SLC15A1: variants seen among roughly 807,000 people sequenced by gnomAD.
SLC15A1 encodes the protein Caco-2 oligopeptide transporter.
SLC15A1 carries 83 observed loss-of-function variants against 92.9 expected under a neutral mutation model. That is an observed-to-expected ratio of 0.89 (90% CI 0.75 to 1.07). The LOEUF (loss-of-function observed/expected upper bound fraction) is 1.07. Among genes scored for constraint, SLC15A1 ranks in the 50% least tolerant of loss-of-function variants. The probability of loss-of-function intolerance (pLI) is 0.00; values close to 1 mark genes in which losing one functional copy is unlikely to be tolerated. For missense variants in SLC15A1, 857 were observed against 880.1 expected (o/e 0.97, Z 0.33); for synonymous variants, 322 against 318.2 (o/e 1.01, Z -0.13).
chr13:98,689,530 C>T (rs890022960), intron 18 of SLC15A1, among the ~76,000 whole-genome samples: 1 of 152,130 alleles, frequency 6.6e-6, no homozygotes, highest in African/African-American at 2.4e-5. Flanking sequence ...AATGCAGCCT[C>T]GAACTGTGGG....
chr13:98,739,638 C>G (rs1375225416), intron 1 of SLC15A1, among the ~76,000 whole-genome samples: 1 of 152,094 alleles, frequency 6.6e-6, no homozygotes, highest in African/African-American at 2.4e-5. Flanking sequence ...TGATTGAGCC[C>G]TCCCCAGAAG....
chr13:98,725,860 G>A (rs2139595596), intron 4 of SLC15A1, among the ~76,000 whole-genome samples: 1 of 152,252 alleles, frequency 6.6e-6, no homozygotes. Context: ...CAGCTAGCTG[G>A]GGCCACAGGT....
chr13:98,730,333 C>A (rs917552081), intron 1 of SLC15A1, among the ~76,000 whole-genome samples: 8 of 150,576 alleles, frequency 5.3e-5, no homozygotes, highest in Middle Eastern at 6.9e-3. Flanking sequence ...TAGTCCTTGT[C>A]CTAAGGGGGA....
chr13:98,719,005 A>G (rs1240620151), intron 8 of SLC15A1, among the ~76,000 whole-genome samples: 1 of 152,138 alleles, frequency 6.6e-6, no homozygotes, highest in Non-Finnish European at 1.5e-5. Flanking sequence ...TTCAATGACC[A>G]ACTCAGTTGG....
At chr13:98,707,680 G>C (rs2088123386) in intron 15 of SLC15A1, among the ~76,000 whole-genome samples, 3 of 152,058 alleles carry the variant, frequency 2.0e-5, no homozygotes, top group Admixed American at 6.6e-5. Context: ...AGGCTGAGGT[G>C]GGAGGATTGA....
At chr13:98,695,943 A>G (rs1325389278) in intron 18 of SLC15A1, among the ~76,000 whole-genome samples, 1 of 152,022 alleles carries the variant, frequency 6.6e-6, no homozygotes, top group South Asian at 2.1e-4. Flanking sequence ...TTTTTTCCCT[A>G]GAGCCTCACT....
At chr13:98,732,751 A>G (rs2088361018) in intron 1 of SLC15A1, among the ~76,000 whole-genome samples, 2 of 152,164 alleles carry the variant, frequency 1.3e-5, no homozygotes, top group African/African-American at 4.8e-5. Context: ...CCTTTCAGGC[A>G]GAGAGATAAC....
intron 1 of SLC15A1, among the ~76,000 whole-genome samples, chr13:98,741,541 G>C (rs1172709159): frequency 6.6e-6 from 1 of 152,064 alleles, no homozygotes; most frequent in Non-Finnish European, 1.5e-5. Flanking sequence ...TTTCAGACCA[G>C]CCTGGCCAAC....
At position 98,685,041 on chromosome 13, in the gene SLC15A1, A is replaced by T. The variant is rs1046017162; in HGVS notation, c.1936-126T>A. 3.5e-6 allele frequency: 3 copies of T among 861,018 alleles called. No individual in the cohort carries two copies. In the African/African-American group the frequency reaches 5.1e-5, roughly 15 times the overall value. The allele number at this position is 861,018 out of a possible 1,614,324, so 53.3% of individuals were successfully genotyped here. ...AGAGTGCTTTGAAATTAAATTATGG[A>T]AAATTGGTAAGCAACCAATACAGAT... On this transcript the variant is annotated intron_variant, in intron 22 of 22. Coordinates refer to ENST00000376503, the MANE Select transcript of SLC15A1 (RefSeq NM_005073.4).
intron 1 of SLC15A1, among the ~76,000 whole-genome samples, chr13:98,736,736 A>G (rs1227277612): frequency 3.3e-5 from 5 of 152,178 alleles, no homozygotes; most frequent in African/African-American, 9.7e-5. Flanking sequence ...ACACACACAT[A>G]AAAAAACGCT....
At chr13:98,728,368 C>T (rs1696189045) in intron 1 of SLC15A1, among the ~76,000 whole-genome samples, 1 of 152,064 alleles carries the variant, frequency 6.6e-6, no homozygotes, top group Admixed American at 6.5e-5. Flanking sequence ...GGATTTTTTT[C>T]TATTTCTATG....
At chr13:98,750,024 C>T (rs545238239) in intron 1 of SLC15A1, among the ~76,000 whole-genome samples, 85 of 152,214 alleles carry the variant, frequency 5.6e-4, no homozygotes, top group South Asian at 4.6e-3. Flanking sequence ...AAGAGACTGT[C>T]GACCACTGCT....
intron 1 of SLC15A1, among the ~76,000 whole-genome samples, chr13:98,738,704 AG>A (rs1209639071): frequency 2.0e-5 from 3 of 152,264 alleles, no homozygotes; most frequent in African/African-American, 7.2e-5. Flanking sequence ...CTGGATGTCC[AG>A]GCAGAAGCCT....
chr13:98,719,616 ACCTGGATACACTAAC>A (rs1404424582), intron 7 of SLC15A1, among the ~76,000 whole-genome samples: 1 of 152,156 alleles, frequency 6.6e-6, no homozygotes, highest in African/African-American at 2.4e-5. Flanking sequence ...GATAAAGATG[ACCTGGATACACTAAC>A]TTGATTATAT....
chr13:98,731,976 G>A (rs1566456770), intron 1 of SLC15A1, among the ~76,000 whole-genome samples: 1 of 152,190 alleles, frequency 6.6e-6, no homozygotes, highest in Non-Finnish European at 1.5e-5. Flanking sequence ...ACAGGGCAGA[G>A]GTTGCTAAAC....
Position 98,706,257 on chromosome 13 carries a change from A to G in SLC15A1, c.1150-4T>C, listed in dbSNP as rs1226269457. On this transcript the variant is annotated splice_region_variant and splice_polypyrimidine_tract_variant and intron_variant, in intron 15 of 22. Coordinates refer to ENST00000376503, the MANE Select transcript of SLC15A1 (RefSeq NM_005073.4). The stretch of plus-strand genomic sequence containing the variant: ...TGGGGAAGACTGGAAGAGTTTTCTG[A>G]GCAAAATAAAAGAAAATTGGCAGTG... 1 of 1,611,082 alleles carries G rather than the reference A, an allele frequency of 6.2e-7. No individual in the cohort carries two copies. The highest frequency in any genetic ancestry group is 1.1e-5 in the South Asian group (1 of 90,290).
intron 15 of SLC15A1, 32 bp from the exon 16 acceptor site, chr13:98,706,285 G>T: frequency 6.2e-7 from 1 of 1,607,364 alleles, no homozygotes; most frequent in Non-Finnish European, 8.5e-7. Context: ...TGGCAGTGAG[G>T]TCTTCAATAC....
Position 98,684,616 on chromosome 13 carries a change from T to A in SLC15A1, c.*108A>T, listed in dbSNP as rs2087915744. On this transcript the variant is annotated 3_prime_UTR_variant, in exon 23 of 23. Transcript: ENST00000376503. Reference sequence around the variant, plus strand: ...ATAGCATTCATGGTTTAGTTCCCAATTCTGAAGTCTTCCTCATCAGGGGCC... The same window carrying A: ...ATAGCATTCATGGTTTAGTTCCCAAATCTGAAGTCTTCCTCATCAGGGGCC... 2 of 691,776 alleles carry A rather than the reference T, an allele frequency of 2.9e-6. No homozygotes were observed. The highest frequency in any genetic ancestry group is 2.5e-5 in the South Asian group (1 of 40,138). The allele number at this position is 691,776 out of a possible 1,614,324, so 42.9% of individuals were successfully genotyped here.
chr13:98,696,274 C>T (rs758995586), intron 18 of SLC15A1, among the ~76,000 whole-genome samples: 65 of 151,768 alleles, frequency 4.3e-4, no homozygotes, highest in Non-Finnish European at 8.4e-4. Context: ...ATTAGCTGGG[C>T]GTGGTGGCAT....
Sources: gnomAD v4.1 joint callset for allele counts (sites outside exome capture counted in the v4.1 genomes callset) on GRCh38, gnomAD v4.1.1 for gene constraint, MANE v1.5 for transcripts, NCBI Gene and HGNC (gene_info 2026-07-23, HGNC 2026-07-21) for gene names.